Variants in SLCO1A2 observed in about 807,000 individuals in gnomAD.
SLCO1A2 encodes the protein OATP-1.
SLCO1A2 carries 67 observed loss-of-function variants against 69.0 expected under a neutral mutation model. That is an observed-to-expected ratio of 0.97 (90% CI 0.80 to 1.19). The LOEUF is 1.19. SLCO1A2 is among the 50% of genes most tolerant of loss of function. SLCO1A2 has a pLI of 0.00. For missense variants in SLCO1A2, 787 were observed against 793.7 expected, an observed-to-expected ratio of 0.99 and a Z score of 0.10; for synonymous variants, 260 against 265.9, an observed-to-expected ratio of 0.98 and a Z score of 0.22.
chr12:21,272,278 C>T (rs1363590245), intron 14 of SLCO1A2, among the ~76,000 whole-genome samples: 3 of 151,720 alleles, frequency 2.0e-5, no homozygotes, highest in African/African-American at 7.2e-5. Context: ...ACAGAATATA[C>T]ATTTATCTGT....
At position 21,279,479 on chromosome 12, in the gene SLCO1A2, C is replaced by CT. The variant is rs981998729; in HGVS notation, c.1611-4056_1611-4055insA. Among the ~76,000 whole-genome samples, 69 of 152,240 alleles carry CT rather than the reference C, an allele frequency of 4.5e-4. 1 individual carries two copies. Among genetic ancestry groups the CT allele is most frequent in the Admixed American group, 4.3e-3 (66 of 15,284 alleles). On this transcript the variant is annotated intron_variant, in intron 12 of 14. Coordinates refer to ENST00000683939, the MANE Select transcript of SLCO1A2 (RefSeq NM_001386879.1). ...CAAGAGAAACGAAGTGACTAACATA[C>CT]AATGGAGCGCCAATACAACTGGCAG...
chr12:21,396,491 G>A (rs1162776616), upstream of SLCO1A2, among the ~76,000 whole-genome samples: 6 of 148,792 alleles, frequency 4.0e-5, no homozygotes, highest in African/African-American at 5.0e-5. Flanking sequence ...AGCAAGGCAG[G>A]CCAACGTTCA....
chr12:21,417,677 T>A (rs1249702502), intron 1 of SLCO1A2, among the ~76,000 whole-genome samples: 1 of 152,022 alleles, frequency 6.6e-6, no homozygotes, highest in Non-Finnish European at 1.5e-5. Flanking sequence ...ATTAAACCTA[T>A]ATGGAACTAA....
intron 2 of SLCO1A2, among the ~76,000 whole-genome samples, chr12:21,327,302 A>T (rs373143440): frequency 6.6e-6 from 1 of 152,158 alleles, no homozygotes. Flanking sequence ...CTCATGGAGA[A>T]CCTCTGCTAG....
chr12:21,332,944 GA>G (rs1409469849), intron 2 of SLCO1A2, among the ~76,000 whole-genome samples: 1 of 152,004 alleles, frequency 6.6e-6, no homozygotes, highest in African/African-American at 2.4e-5. Flanking sequence ...AAATTTATGT[GA>G]AAAGGACCTA....
chr12:21,339,098 G>A (rs1316316745), upstream of SLCO1A2, among the ~76,000 whole-genome samples: 1 of 151,936 alleles, frequency 6.6e-6, no homozygotes, highest in African/African-American at 2.4e-5. Flanking sequence ...ACTCCTTGCA[G>A]GGCTGCTGAA....
intron 2 of SLCO1A2, chr12:21,319,272 TA>T (rs1951277782): frequency 8.7e-7 from 1 of 1,149,880 alleles, no homozygotes. Context: ...TTCATACATG[TA>T]CTGTAATGAA....
At chr12:21,348,438 T>C (rs1451580758) in intron 2 of SLCO1A2, among the ~76,000 whole-genome samples, 3 of 152,226 alleles carry the variant, frequency 2.0e-5, no homozygotes, top group East Asian at 1.9e-4. Context: ...CTACTATCTA[T>C]GTCCATGAGT....
chr12:21,390,020 TA>T lies in SLCO1A2; in HGVS notation c.-190+4885del, dbSNP rs570494445. 3.6e-3 allele frequency among the ~76,000 whole-genome samples: 550 copies of T among 151,712 alleles called. 2 individuals are homozygous for T. Among genetic ancestry groups the T allele is most frequent in the African/African-American group, 0.013 (535 of 41,482 alleles). On this transcript the variant is annotated intron_variant, in intron 1 of 15. Coordinates refer to the SLCO1A2 transcript ENST00000307378. ...CTTTTGCACTAGCCTAATATTTACA[TA>T]CTGCTTCTTCATTTTAAAATGCAAA...
chr12:21,360,050 T>C (rs1030555861), intron 2 of SLCO1A2, among the ~76,000 whole-genome samples: 10 of 151,854 alleles, frequency 6.6e-5, no homozygotes, highest in African/African-American at 2.4e-4. Context: ...GAATACATGC[T>C]ATACTATCTC....
chr12:21,376,792 C>T (rs1428405656), intron 1 of SLCO1A2, among the ~76,000 whole-genome samples: 4 of 151,988 alleles, frequency 2.6e-5, no homozygotes, highest in Admixed American at 6.6e-5. Flanking sequence ...CATTTGAGTC[C>T]CAGATTATGC....
chr12:21,348,836 G>A (rs1357256998), intron 2 of SLCO1A2, among the ~76,000 whole-genome samples: 1 of 152,168 alleles, frequency 6.6e-6, no homozygotes, highest in Non-Finnish European at 1.5e-5. Context: ...TAATACAATA[G>A]CGGGCACATG....
Position 21,297,541 on chromosome 12 carries a change from GAA to G in SLCO1A2, c.936_937del (p.Ser313LeufsTer21). On this transcript the variant is annotated frameshift_variant, in exon 9 of 15. Transcript: ENST00000683939. LOFTEE classifies it high-confidence loss of function. ...GAAAAGCATATAAATTGGATTGCAG[GAA>G]AGACTTTTCATGAAAGGTAGAAAAT... is the stretch of plus-strand genomic sequence containing the variant. 1 of 1,580,904 alleles carries G rather than the reference GAA, an allele frequency of 6.3e-7. No homozygotes were observed. The highest frequency in any genetic ancestry group is 1.3e-5 in the African/African-American group (1 of 74,198).
Position 21,294,023 on chromosome 12 carries a change from C to T in SLCO1A2, c.1359G>A (p.Val453=), listed in dbSNP as rs780207487. Residue 453 remains valine (V), a synonymous_variant, in exon 11 of 15, where the codon GTG becomes GTA. Coordinates refer to ENST00000683939, the MANE Select transcript of SLCO1A2 (RefSeq NM_001386879.1). ...CNCPSKIWDP[V]CGNNGLSYLS... ...GATATGACAAGCCATTGTTTCCACA[C>T]ACAGGATCCCATATTTTAGATGGAC... is the stretch of plus-strand genomic sequence containing the variant. 6 of 1,612,772 alleles carry T rather than the reference C, an allele frequency of 3.7e-6. No individual in the cohort carries two copies. Among genetic ancestry groups the T allele is most frequent in the Admixed American group, 1.7e-5 (1 of 59,810 alleles).
intron 11 of SLCO1A2, 77 bp downstream of exon 11, chr12:21,293,868 T>C (rs1947296868): frequency 1.6e-6 from 2 of 1,214,626 alleles, no homozygotes; most frequent in Admixed American, 2.9e-5. Flanking sequence ...ATTTTACTTT[T>C]ATTAAATATA....
intron 11 of SLCO1A2, among the ~76,000 whole-genome samples, chr12:21,293,577 A>G (rs12829514): frequency 3.3e-5 from 5 of 150,310 alleles, no homozygotes; most frequent in Admixed American, 6.6e-5. Flanking sequence ...ATATATATAT[A>G]TGTGTGTATA....
At chr12:21,396,219 A>G (rs1405001091), upstream of SLCO1A2, among the ~76,000 whole-genome samples, 6 of 151,028 alleles carry the variant, frequency 4.0e-5, no homozygotes, top group Non-Finnish European at 7.4e-5. Context: ...GAACTACGTG[A>G]AGAATGCAGA....
At chr12:21,334,937 T>C (rs1199071745), upstream of SLCO1A2, 1 of 274,674 alleles carries the variant, frequency 3.6e-6, no homozygotes, top group Non-Finnish European at 6.7e-6. Flanking sequence ...TTAGTGAGAT[T>C]AAAGATATTA....
At chr12:21,325,908 C>G (rs1277417359) in intron 2 of SLCO1A2, among the ~76,000 whole-genome samples, 1 of 152,138 alleles carries the variant, frequency 6.6e-6, no homozygotes, top group Non-Finnish European at 1.5e-5. Context: ...GTAGTAATGT[C>G]ACCTGGAGTG....
Sources: gnomAD v4.1 joint callset for allele counts (sites outside exome capture counted in the v4.1 genomes callset) on GRCh38, gnomAD v4.1.1 for gene constraint, MANE v1.5 for transcripts, NCBI Gene and HGNC (gene_info 2026-07-23, HGNC 2026-07-21) for gene names.